The following CSMD1 variants were observed in gnomAD, a reference collection of about 807,000 sequenced individuals.
The protein encoded by CSMD1 is CUB and Sushi multiple domains 1, also known as CUB and sushi domain-containing protein 1.
CSMD1 carries 213 observed loss-of-function variants against 417.5 expected under a neutral mutation model. The observed-to-expected ratio is 0.51, with a 90% CI of 0.46 to 0.57. The LOEUF (loss-of-function observed/expected upper bound fraction) is 0.57, where lower values mean the gene tolerates loss of function less well. Ranked by LOEUF, CSMD1 falls within the 20% of genes least tolerant of loss-of-function variation. CSMD1 has a pLI of 0.00. For missense variants in CSMD1, 6,923 were observed against 4,529.7 expected (o/e 1.53, Z -15.17); for synonymous variants, 2,862 against 1,736.8 (o/e 1.65, Z -16.11).
At chr8:3,696,764 G>T (rs1585091578) in intron 7 of CSMD1, among the ~76,000 whole-genome samples, 1 of 152,124 alleles carries the variant, frequency 6.6e-6, no homozygotes, top group African/African-American at 2.4e-5. Context: ...CAAGAATATG[G>T]AAATAAGGTC....
chr8:3,996,414 A>G (rs2554674), intron 5 of CSMD1, among the ~76,000 whole-genome samples: 93,447 of 151,872 alleles, frequency 0.62, 29,109 homozygotes, highest in African/African-American at 0.72. Context: ...CATATGTACT[A>G]AAGAGATGCT....
chr8:3,689,626 C>T (rs1585079832), intron 7 of CSMD1, among the ~76,000 whole-genome samples: 1 of 152,148 alleles, frequency 6.6e-6, no homozygotes, highest in Non-Finnish European at 1.5e-5. Context: ...TTAGAGTGTG[C>T]TTACTATGTG....
chr8:4,988,991 C>A (rs1427839482), intron 1 of CSMD1, among the ~76,000 whole-genome samples: 1 of 152,188 alleles, frequency 6.6e-6, no homozygotes, highest in Non-Finnish European at 1.5e-5. Flanking sequence ...CCAAAATAGA[C>A]ATACTGGTTA....
At chr8:4,196,898 T>C (rs1799370595) in intron 3 of CSMD1, among the ~76,000 whole-genome samples, 1 of 152,336 alleles carries the variant, frequency 6.6e-6, no homozygotes, top group African/African-American at 2.4e-5. Context: ...CTTCATTAAA[T>C]TCCCACATTT....
intron 7 of CSMD1, among the ~76,000 whole-genome samples, chr8:3,679,060 T>C (rs904233753): frequency 7.9e-5 from 12 of 151,986 alleles, no homozygotes; most frequent in Non-Finnish European, 1.8e-4. Context: ...GAACAACTGG[T>C]ACTAGCCACT....
intron 3 of CSMD1, among the ~76,000 whole-genome samples, chr8:4,197,946 G>C (rs565656488): frequency 6.6e-6 from 1 of 152,150 alleles, no homozygotes; most frequent in Non-Finnish European, 1.5e-5. Context: ...TGTACACATT[G>C]TCTTCTATTC....
chr8:4,716,590 A>G (rs1808673076), intron 1 of CSMD1, among the ~76,000 whole-genome samples: 1 of 152,240 alleles, frequency 6.6e-6, no homozygotes, highest in African/African-American at 2.4e-5. Flanking sequence ...CTATATTCTT[A>G]TAGAAATGAG....
intron 49 of CSMD1, among the ~76,000 whole-genome samples, chr8:3,055,309 C>T (rs1812140808): frequency 6.6e-6 from 1 of 152,146 alleles, no homozygotes; most frequent in Non-Finnish European, 1.5e-5. Flanking sequence ...TTTATGTTGC[C>T]TGATCAACAA....
At chr8:3,514,524 A>T (rs1441899386) in intron 10 of CSMD1, among the ~76,000 whole-genome samples, 2 of 152,220 alleles carry the variant, frequency 1.3e-5, no homozygotes, top group Non-Finnish European at 2.9e-5. Context: ...ACAATCACTT[A>T]AAAGTAATGT....
chr8:3,285,497 CT>C (rs1341593288), intron 25 of CSMD1, among the ~76,000 whole-genome samples: 1 of 151,826 alleles, frequency 6.6e-6, no homozygotes, highest in Admixed American at 6.6e-5. Context: ...AGTGATTCTC[CT>C]GCCTCAGCCT....
intron 1 of CSMD1, among the ~76,000 whole-genome samples, chr8:4,746,313 C>T (rs1316211651): frequency 1.3e-5 from 2 of 152,190 alleles, no homozygotes. Flanking sequence ...AGAATTCACT[C>T]AGAATAGCGA....
intron 5 of CSMD1, among the ~76,000 whole-genome samples, chr8:3,938,616 G>T (rs1475829472): frequency 1.3e-5 from 2 of 152,104 alleles, no homozygotes; most frequent in Non-Finnish European, 2.9e-5. Flanking sequence ...CCCCGAATAA[G>T]GGCTAGGCTG....
In CSMD1 at chr8:4,144,314, G is replaced by C. The variant is rs1057421637; in HGVS notation, c.416-112215C>G. Among the ~76,000 whole-genome samples, 13 of 150,998 alleles carry C rather than the reference G, an allele frequency of 8.6e-5. 4 individuals carry two copies. Among genetic ancestry groups the C allele is most frequent in the African/African-American group, 3.2e-4 (13 of 40,326 alleles). On this transcript the variant is annotated intron_variant, in intron 3 of 69. Coordinates refer to ENST00000635120, the MANE Select transcript of CSMD1 (RefSeq NM_033225.6). ...TAAACAGGATACCCCACTTAAACAT[G>C]TCCTGGCCATATTCATTCTACTTCT... is the stretch of plus-strand genomic sequence containing the variant.
intron 1 of CSMD1, among the ~76,000 whole-genome samples, chr8:4,910,983 T>G (rs897903230): frequency 3.3e-5 from 5 of 152,106 alleles, no homozygotes; most frequent in Non-Finnish European, 7.4e-5. Flanking sequence ...ACCTGATGGT[T>G]CCATAAGGGG....
chr8:3,007,206 A>G, intron 52 of CSMD1, among the ~76,000 whole-genome samples: 1 of 149,746 alleles, frequency 6.7e-6, no homozygotes, highest in East Asian at 1.9e-4. Flanking sequence ...GAGAAATGCA[A>G]ATCAAAACCA....
chr8:3,756,930 G>C (rs964869475), intron 5 of CSMD1, among the ~76,000 whole-genome samples: 7 of 152,018 alleles, frequency 4.6e-5, no homozygotes, highest in African/African-American at 9.7e-5. Context: ...GGAGTAGCTA[G>C]AGCTATATGT....
chr8:3,380,655 C>T (rs1322527396), intron 18 of CSMD1, among the ~76,000 whole-genome samples: 1 of 152,070 alleles, frequency 6.6e-6, no homozygotes, highest in Non-Finnish European at 1.5e-5. Context: ...AACCAAACAC[C>T]ACATGTTCTC....
At chr8:4,008,810 A>C (rs1382687809) in intron 4 of CSMD1, among the ~76,000 whole-genome samples, 4 of 151,202 alleles carry the variant, frequency 2.6e-5, no homozygotes, top group Admixed American at 6.6e-5. Context: ...CGGGATTTCA[A>C]TGTGTTAGCC....
At chr8:3,389,032 A>G (rs1222252400) in intron 17 of CSMD1, among the ~76,000 whole-genome samples, 2 of 152,186 alleles carry the variant, frequency 1.3e-5, no homozygotes, top group African/African-American at 4.8e-5. Context: ...ATGGTACCCA[A>G]TGCTGGGTGA....
Sources: gnomAD v4.1 joint callset for allele counts (sites outside exome capture counted in the v4.1 genomes callset) on GRCh38, gnomAD v4.1.1 for gene constraint, MANE v1.5 for transcripts, NCBI Gene and HGNC (gene_info 2026-07-23, HGNC 2026-07-21) for gene names.